The following SCFD2 variants were observed in gnomAD, a reference collection of about 807,000 sequenced individuals.
SCFD2 encodes sec1 family domain containing 2.
In SCFD2, 54 loss-of-function variants were observed where a neutral mutation model predicts 58.9. That is an observed-to-expected ratio of 0.92 (90% CI 0.74 to 1.15). SCFD2 has a LOEUF of 1.15. SCFD2 is among the 50% of genes most tolerant of loss of function. The pLI is 0.00. For synonymous variants in SCFD2, 321 were observed against 335.9 expected, an observed-to-expected ratio of 0.96 and a Z score of 0.49; for missense variants, 805 against 836.6, an observed-to-expected ratio of 0.96 and a Z score of 0.47.
At chr4:53,015,864 T>C (rs1372418056) in intron 5 of SCFD2, among the ~76,000 whole-genome samples, 1 of 152,216 alleles carries the variant, frequency 6.6e-6, no homozygotes, top group African/African-American at 2.4e-5. Flanking sequence ...CTCTTCTCTA[T>C]GAGGGGCTTT....
intron 5 of SCFD2, among the ~76,000 whole-genome samples, chr4:53,015,645 G>C (rs1390744381): frequency 6.6e-6 from 1 of 152,046 alleles, no homozygotes; most frequent in Non-Finnish European, 1.5e-5. Flanking sequence ...CTTCCAAGTT[G>C]GTAACACATA....
At chr4:52,945,911 C>T (rs543128084) in intron 5 of SCFD2, among the ~76,000 whole-genome samples, 6 of 152,102 alleles carry the variant, frequency 3.9e-5, no homozygotes, top group African/African-American at 9.6e-5. Flanking sequence ...ATTTATACAT[C>T]GAACATTTTG....
At chr4:53,046,688 GACAGAGCCTTGCTCT>G (rs1027969035) in intron 5 of SCFD2, among the ~76,000 whole-genome samples, 1 of 151,992 alleles carries the variant, frequency 6.6e-6, no homozygotes, top group Non-Finnish European at 1.5e-5. Context: ...TTTTCTTTGA[GACAGAGCCTTGCTCT>G]GTCGCCCAGG....
chr4:53,112,399 T>G (rs772684446), intron 5 of SCFD2, among the ~76,000 whole-genome samples: 29 of 152,102 alleles, frequency 1.9e-4, no homozygotes, highest in Non-Finnish European at 1.0e-4. Context: ...TAACACCTCA[T>G]CAATATAAAC....
In SCFD2 at chr4:53,268,080, G is replaced by A. The variant is rs544832490; in HGVS notation, c.1311+5746C>T. Among the ~76,000 whole-genome samples, 4 of 152,242 alleles carry A rather than the reference G, an allele frequency of 2.6e-5. No homozygotes were observed. The East Asian group carries it at 7.7e-4, about 29-fold the overall frequency. On this transcript the variant is annotated intron_variant, in intron 4 of 8. Coordinates refer to ENST00000401642, the MANE Select transcript of SCFD2 (RefSeq NM_152540.4). ...ACGGTAGGGCAGGAGGAATGAAGGAGGGCACAATAGTGGCTTAGGGCAGGT... is the reference window on the plus strand; with the variant it reads ...ACGGTAGGGCAGGAGGAATGAAGGAAGGCACAATAGTGGCTTAGGGCAGGT...
chr4:53,198,096 T>C (rs577892941), intron 4 of SCFD2, among the ~76,000 whole-genome samples: 1 of 152,212 alleles, frequency 6.6e-6, no homozygotes, highest in South Asian at 2.1e-4. Context: ...TATAGATATA[T>C]AATGGCAATT....
At chr4:53,260,704 C>A (rs1409271665) in intron 4 of SCFD2, among the ~76,000 whole-genome samples, 2 of 152,034 alleles carry the variant, frequency 1.3e-5, no homozygotes, top group African/African-American at 2.4e-5. Flanking sequence ...TTGGTTATGT[C>A]TTTTCCTGAT....
chr4:52,923,111 C>T (rs1288800053), intron 5 of SCFD2, among the ~76,000 whole-genome samples: 1 of 152,068 alleles, frequency 6.6e-6, no homozygotes, highest in African/African-American at 2.4e-5. Flanking sequence ...TGTAATAACT[C>T]TTAAAGGATG....
intron 4 of SCFD2, 125 bp downstream of exon 4, chr4:53,273,701 A>T (rs1731243971): frequency 1.2e-6 from 1 of 841,486 alleles, no homozygotes; most frequent in Non-Finnish European, 1.7e-6. Context: ...GCACTTAGAG[A>T]ATATGAAGCA....
At chr4:53,357,264 A>T (rs757105238) in intron 1 of SCFD2, among the ~76,000 whole-genome samples, 19 of 151,624 alleles carry the variant, frequency 1.3e-4, no homozygotes, top group Non-Finnish European at 1.9e-4. Context: ...TCTACTAAAA[A>T]ATATATATAT....
intron 4 of SCFD2, among the ~76,000 whole-genome samples, chr4:53,236,305 G>T (rs958543881): frequency 6.6e-6 from 1 of 151,960 alleles, no homozygotes; most frequent in Admixed American, 6.6e-5. Context: ...GGCTCTCCTT[G>T]CTCCTCCACT....
At chr4:53,191,348 G>T (rs1399037230) in intron 4 of SCFD2, among the ~76,000 whole-genome samples, 1 of 151,952 alleles carries the variant, frequency 6.6e-6, no homozygotes, top group African/African-American at 2.4e-5. Flanking sequence ...ACATTTGAGT[G>T]ATATTCATTA....
At chr4:53,302,782 T>C (rs1732360138) in intron 3 of SCFD2, among the ~76,000 whole-genome samples, 1 of 152,092 alleles carries the variant, frequency 6.6e-6, no homozygotes, top group Non-Finnish European at 1.5e-5. Flanking sequence ...AACAGAGCCC[T>C]CAGAAATAAT....
chr4:53,146,171 G>A (rs1429650585), intron 4 of SCFD2, among the ~76,000 whole-genome samples: 1 of 152,112 alleles, frequency 6.6e-6, no homozygotes, highest in Admixed American at 6.5e-5. Flanking sequence ...TGAGTCAGTA[G>A]ATAACTCGCA....
At chr4:53,151,513 C>G (rs1237516450) in intron 4 of SCFD2, among the ~76,000 whole-genome samples, 1 of 152,164 alleles carries the variant, frequency 6.6e-6, no homozygotes, top group Non-Finnish European at 1.5e-5. Flanking sequence ...TAAAATGCCA[C>G]TGCAAAGTCA....
Position 52,900,769 on chromosome 4 carries a change from TG to T in SCFD2, c.1842+6687del, listed in dbSNP as rs1719173168. 2.0e-5 allele frequency among the ~76,000 whole-genome samples: 3 copies of T among 152,196 alleles called. No homozygotes were observed. In the South Asian group the frequency reaches 6.2e-4, roughly 32 times the overall value. ...GCCTACAGAGGCAGGCAGGCCTCCTTGAGCTGTGGTGGGCTCCTCCCAGTTC... is the reference window on the plus strand; with the variant it reads ...GCCTACAGAGGCAGGCAGGCCTCCTTAGCTGTGGTGGGCTCCTCCCAGTTC... On this transcript the variant is annotated intron_variant, in intron 7 of 8. Transcript: ENST00000401642.
chr4:53,197,430 A>C (rs900749268), intron 4 of SCFD2, among the ~76,000 whole-genome samples: 2 of 152,238 alleles, frequency 1.3e-5, no homozygotes, highest in East Asian at 1.9e-4. Flanking sequence ...AGGTCAGCCC[A>C]AAAGAGGAAA....
rs111665945 is a variant in SCFD2 at position 53,263,704 on chromosome 4, C to T, written c.1311+10122G>A. 9.2e-3 allele frequency among the ~76,000 whole-genome samples: 1,403 copies of T among 152,152 alleles called. 26 individuals are homozygous for T. The highest frequency in any genetic ancestry group is 0.032 in the African/African-American group (1,330 of 41,478). On this transcript the variant is annotated intron_variant, in intron 4 of 8. Transcript: ENST00000401642. ...GGTCCTTGGTTGTATTTTTGTTTAG[C>T]GCACTGTTTTCTTTTGTCGGTTGGC...
intron 4 of SCFD2, among the ~76,000 whole-genome samples, chr4:53,214,396 T>C (rs2148985486): frequency 6.6e-6 from 1 of 152,320 alleles, no homozygotes; most frequent in Non-Finnish European, 1.5e-5. Context: ...TGCATTTCTC[T>C]GATGGCCACT....
Sources: allele counts gnomAD v4.1 joint callset (sites outside exome capture counted in the v4.1 genomes callset), GRCh38; gene constraint gnomAD v4.1.1; transcripts MANE v1.5; gene names NCBI Gene and HGNC (gene_info 2026-07-23, HGNC 2026-07-21).